MAPK10: variants seen among roughly 807,000 people sequenced by gnomAD.
MAPK10 encodes the protein JNK3 alpha protein kinase.
In MAPK10, 25 loss-of-function variants were observed where a neutral mutation model predicts 59.3. The observed-to-expected ratio is 0.42, with a 90% confidence interval of 0.31 to 0.59. MAPK10 has a LOEUF of 0.59. Ranked by LOEUF, MAPK10 falls within the 20% of genes least tolerant of loss-of-function variation. The pLI, the probability that MAPK10 is intolerant of heterozygous loss-of-function variation, is 0.15. For synonymous variants in MAPK10, 190 were observed against 200.5 expected (o/e 0.95, Z 0.44); for missense variants, 351 against 568.9 (o/e 0.62, Z 3.90).
At chr4:86,057,169 C>T (rs1401530029) in intron 11 of MAPK10, among the ~76,000 whole-genome samples, 2 of 149,056 alleles carry the variant, frequency 1.3e-5, no homozygotes, top group Non-Finnish European at 3.0e-5. Context: ...GCCCAAACTC[C>T]TGATATCAAG....
At chr4:86,030,343 T>C (rs6811151) in intron 12 of MAPK10, among the ~76,000 whole-genome samples, 2 of 151,884 alleles carry the variant, frequency 1.3e-5, no homozygotes, top group Admixed American at 6.6e-5. Context: ...CATATATATA[T>C]AGAGAGAGGC....
At chr4:86,220,565 AT>A (rs1350765314) in intron 2 of MAPK10, among the ~76,000 whole-genome samples, 1 of 152,196 alleles carries the variant, frequency 6.6e-6, no homozygotes, top group Non-Finnish European at 1.5e-5. Context: ...AGAGAAGCAT[AT>A]TTTCCACATT....
At chr4:86,119,683 G>A (rs1257403444) in intron 4 of MAPK10, 1 of 152,036 alleles carries the variant, frequency 6.6e-6, no homozygotes, top group East Asian at 1.9e-4. Flanking sequence ...TCCCTGTCAG[G>A]AATAAAGGGC....
intron 4 of MAPK10, among the ~76,000 whole-genome samples, chr4:86,154,626 A>G (rs1187042591): frequency 6.6e-6 from 1 of 152,108 alleles, no homozygotes; most frequent in Non-Finnish European, 1.5e-5. Flanking sequence ...TTTATAAAGC[A>G]ATTTTATGTA....
intron 2 of MAPK10, among the ~76,000 whole-genome samples, chr4:86,252,533 T>C (rs1462925731): frequency 1.4e-5 from 2 of 142,968 alleles, no homozygotes; most frequent in Admixed American, 7.0e-5. Flanking sequence ...TTGATCTATA[T>C]CTCTGTTTTG....
intron 1 of MAPK10, among the ~76,000 whole-genome samples, chr4:86,578,313 G>C (rs1267360601): frequency 6.6e-6 from 1 of 152,106 alleles, no homozygotes; most frequent in African/African-American, 2.4e-5. Flanking sequence ...TTGTGCTTTG[G>C]TTAAGAAATA....
chr4:86,385,700 C>T (rs935801365), intron 1 of MAPK10, among the ~76,000 whole-genome samples: 4 of 152,076 alleles, frequency 2.6e-5, no homozygotes, highest in East Asian at 3.9e-4. Flanking sequence ...GATTAGCTCC[C>T]GGATGGGTAA....
intron 2 of MAPK10, among the ~76,000 whole-genome samples, chr4:86,233,982 C>A (rs200027825): frequency 2.0e-5 from 3 of 152,258 alleles, no homozygotes; most frequent in East Asian, 3.9e-4. Flanking sequence ...TTGCCAAAGG[C>A]CTTTTCTTCA....
intron 9 of MAPK10, among the ~76,000 whole-genome samples, chr4:86,074,425 A>C (rs567409981): frequency 6.6e-6 from 1 of 150,460 alleles, no homozygotes; most frequent in East Asian, 2.0e-4. Context: ...TGTGAATTTG[A>C]TTCTGTCATC....
At chr4:86,548,142 C>A (rs1013429841) in intron 1 of MAPK10, among the ~76,000 whole-genome samples, 8 of 152,158 alleles carry the variant, frequency 5.3e-5, no homozygotes. Context: ...CTGTAACACT[C>A]ACCGCGAAGG....
At chr4:86,470,790 A>T (rs942027021) in intron 1 of MAPK10, among the ~76,000 whole-genome samples, 4 of 152,194 alleles carry the variant, frequency 2.6e-5, no homozygotes, top group Non-Finnish European at 4.4e-5. Context: ...ATTTCTTTTT[A>T]AAAAATTATT....
intron 2 of MAPK10, among the ~76,000 whole-genome samples, chr4:86,225,415 T>C (rs1001789438): frequency 4.6e-5 from 7 of 152,152 alleles, no homozygotes; most frequent in Non-Finnish European, 8.8e-5. Flanking sequence ...TCTGTTGCTG[T>C]AGGAAATGGG....
rs2047040254 is a variant in MAPK10, at chr4:86,067,829, G to A, written c.929C>T (p.Pro310Leu). The A allele has an allele frequency of 6.2e-7, 1 of 1,613,826 alleles. No homozygotes were observed. The highest frequency in any genetic ancestry group is 8.5e-7 in the Non-Finnish European group (1 of 1,179,942). The change falls in exon 10 of 14, where the codon CCC becomes CTC. Residue 310 changes from proline (P) to leucine (L), a missense_variant. This residue lies in a region of MAPK10 where 155 missense variants were observed against 204.2 expected (regional missense o/e 0.76). Coordinates refer to ENST00000641462, the MANE Select transcript of MAPK10 (RefSeq NM_138982.4). ...NRPKYAGLTF[P>L]KLFPDSLFPA... ...GAAGAGGGAATCTGGGAAGAGTTTG[G>A]GGAAGGTGAGTCCCGCATACTTGGG...
chr4:86,359,284 C>CTGTGTGTG (rs1396195347), intron 1 of MAPK10, among the ~76,000 whole-genome samples: 2 of 132,882 alleles, frequency 1.5e-5, no homozygotes, highest in African/African-American at 6.1e-5. Context: ...CTCTCTCTCT[C>CTGTGTGTG]TCTCTGTGTG....
chr4:86,364,885 T>A (rs1737584518), upstream of MAPK10, among the ~76,000 whole-genome samples: 1 of 151,622 alleles, frequency 6.6e-6, no homozygotes, highest in South Asian at 2.1e-4. Flanking sequence ...GAGGCTGAGG[T>A]AGAAGGATTG....
chr4:86,360,458 T>C (rs1160740424), upstream of MAPK10, among the ~76,000 whole-genome samples: 2 of 152,208 alleles, frequency 1.3e-5, no homozygotes. Flanking sequence ...AAGTAAGAGA[T>C]GGTAATAACC....
chr4:86,546,306 A>C (rs932687799), intron 1 of MAPK10, among the ~76,000 whole-genome samples: 1 of 151,790 alleles, frequency 6.6e-6, no homozygotes, highest in African/African-American at 2.4e-5. Context: ...CCAGCAATTT[A>C]GGAGGCTGAG....
intron 4 of MAPK10, among the ~76,000 whole-genome samples, chr4:86,157,371 CTGTTT>C (rs1488450560): frequency 4.0e-5 from 6 of 151,874 alleles, no homozygotes; most frequent in African/African-American, 1.4e-4. Context: ...ATGATGATAT[CTGTTT>C]TGTAATTTTT....
At chr4:86,483,607 A>G (rs1191273366) in intron 1 of MAPK10, among the ~76,000 whole-genome samples, 1 of 152,028 alleles carries the variant, frequency 6.6e-6, no homozygotes, top group East Asian at 1.9e-4. Context: ...AAATTATTAA[A>G]ACATTGGACA....
Sources: gnomAD v4.1 joint callset for allele counts (sites outside exome capture counted in the v4.1 genomes callset) on GRCh38, gnomAD v4.1.1 for gene constraint, gnomAD v4.1.1 regional missense constraint, MANE v1.5 for transcripts, NCBI Gene and HGNC (gene_info 2026-07-23, HGNC 2026-07-21) for gene names.